Variants in TTLL7 observed in about 807,000 individuals in gnomAD.
TTLL7 encodes the protein tubulin polyglutamylase TTLL7.
Under a neutral mutation model 120.2 loss-of-function variants are expected in TTLL7, and 53 were observed. That is an observed-to-expected ratio of 0.44 (90% CI 0.35 to 0.55). TTLL7 has a LOEUF of 0.55. Ranked by LOEUF, TTLL7 falls within the 20% of genes least tolerant of loss-of-function variation. The pLI, the probability that TTLL7 is intolerant of heterozygous loss-of-function variation, is 0.00. For synonymous variants in TTLL7, 353 were observed against 351.7 expected, an observed-to-expected ratio of 1.00 and a Z score of -0.04; for missense variants, 803 against 1,054.7, an observed-to-expected ratio of 0.76 and a Z score of 3.31.
chr1:83,876,300 A>G (rs919595420), intron 20 of TTLL7, among the ~76,000 whole-genome samples: 6 of 151,766 alleles, frequency 4.0e-5, no homozygotes, highest in Non-Finnish European at 7.4e-5. Flanking sequence ...CCTTTTTGCC[A>G]ATATTATACT....
chr1:83,903,797 A>T (rs1656945535), intron 18 of TTLL7, among the ~76,000 whole-genome samples: 1 of 152,050 alleles, frequency 6.6e-6, no homozygotes, highest in African/African-American at 2.4e-5. Flanking sequence ...CCACAGACAT[A>T]GAAGGCTGAC....
chr1:83,983,480 AT>A (rs1652164181), intron 1 of TTLL7, among the ~76,000 whole-genome samples: 1 of 152,218 alleles, frequency 6.6e-6, no homozygotes, highest in African/African-American at 2.4e-5. Flanking sequence ...TGGATTAAAG[AT>A]TTAAATGTAA....
intron 20 of TTLL7, chr1:83,880,092 T>G (rs1232520226): frequency 6.6e-6 from 1 of 152,026 alleles, no homozygotes; most frequent in Non-Finnish European, 1.5e-5. Context: ...ACAAGAAGGC[T>G]CTTCATTTAT....
At chr1:83,968,816 A>G (rs985409915) in intron 1 of TTLL7, among the ~76,000 whole-genome samples, 15 of 152,200 alleles carry the variant, frequency 9.9e-5, no homozygotes, top group African/African-American at 3.4e-4. Context: ...GGATATCAAT[A>G]ATAAGCATTA....
rs1431513145 is a variant in TTLL7, at chr1:83,999,114, G to T, written c.-360C>A. ...GCCACGGCTCGGGACTCCGGTGCTC[G>T]ACGCGGAGTGCCTGGAACAGCTGTC... On this transcript the variant is annotated 5_prime_UTR_variant, in exon 1 of 21. Transcript: ENST00000260505. The T allele has an allele frequency of 2.3e-6, 1 of 438,130 alleles. No individual in the cohort carries two copies. The highest frequency in any genetic ancestry group is 4.5e-6 in the Non-Finnish European group (1 of 220,952). The allele number at this position is 438,130 out of a possible 1,614,324, so 27.1% of individuals were successfully genotyped here. A position where few individuals can be genotyped will look rare whatever the true frequency, so the allele number is the denominator to read the frequency against.
Position 83,988,514 on chromosome 1 carries a change from C to T in TTLL7, c.-177+10417G>A, listed in dbSNP as rs567933094. Among the ~76,000 whole-genome samples, 4 of 152,280 alleles carry T rather than the reference C, an allele frequency of 2.6e-5. No individual in the cohort carries two copies. The East Asian group carries it at 7.7e-4, about 29-fold the overall frequency. On this transcript the variant is annotated intron_variant, in intron 1 of 20. Coordinates refer to ENST00000260505, the MANE Select transcript of TTLL7 (RefSeq NM_024686.6). ...TACATTCTCACCAGTAGTGTATAAGCGTTCTCTTTTCTCTGCAGCCTTGCT... is the reference window on the plus strand; with the variant it reads ...TACATTCTCACCAGTAGTGTATAAGTGTTCTCTTTTCTCTGCAGCCTTGCT...
intron 1 of TTLL7, among the ~76,000 whole-genome samples, chr1:83,991,562 T>C (rs983810238): frequency 3.3e-5 from 5 of 152,142 alleles, no homozygotes; most frequent in African/African-American, 1.2e-4. Context: ...GAGGATCGCT[T>C]GAGCCCAGGA....
chr1:83,913,611 T>C (rs1040355496), intron 14 of TTLL7, among the ~76,000 whole-genome samples: 2 of 152,180 alleles, frequency 1.3e-5, no homozygotes, highest in Admixed American at 6.5e-5. Flanking sequence ...GTAAACAACA[T>C]AAAATTAAAA....
intron 18 of TTLL7, among the ~76,000 whole-genome samples, chr1:83,894,375 G>C (rs1352742939): frequency 6.6e-6 from 1 of 152,048 alleles, no homozygotes; most frequent in Non-Finnish European, 1.5e-5. Flanking sequence ...ATTATAAAAT[G>C]ATTATTCAAC....
intron 18 of TTLL7, among the ~76,000 whole-genome samples, chr1:83,894,788 T>G (rs376853989): frequency 1.3e-5 from 2 of 152,078 alleles, no homozygotes; most frequent in Non-Finnish European, 2.9e-5. Context: ...CTGGGCAAAC[T>G]AGGCACATTC....
At chr1:83,905,011 T>C (rs1657060727) in intron 17 of TTLL7, among the ~76,000 whole-genome samples, 1 of 151,950 alleles carries the variant, frequency 6.6e-6, no homozygotes, top group African/African-American at 2.4e-5. Flanking sequence ...TAGTCAGAAA[T>C]ATTAGTTTTA....
chr1:83,969,991 T>C (rs538492986), intron 1 of TTLL7, among the ~76,000 whole-genome samples: 73 of 152,164 alleles, frequency 4.8e-4, no homozygotes, highest in African/African-American at 1.6e-3. Flanking sequence ...ATATTCACTG[T>C]CTACCTGCTT....
intron 15 of TTLL7, 90 bp from the exon 16 acceptor site, chr1:83,907,751 C>A: frequency 8.7e-7 from 1 of 1,145,044 alleles, no homozygotes. Context: ...AAGATTATAG[C>A]AGCTAGTAGT....
rs748137357 is a variant in TTLL7, at chr1:83,904,059, T to C, written c.2208+20A>G. ...ATACATAATCCAAGAGGGAAAAAACTTGTTTTGAGCATTACTCACTTTTCG... is the reference window on the plus strand; with the variant it reads ...ATACATAATCCAAGAGGGAAAAAACCTGTTTTGAGCATTACTCACTTTTCG... On this transcript the variant is annotated intron_variant, in intron 18 of 20. Coordinates refer to ENST00000260505, the MANE Select transcript of TTLL7 (RefSeq NM_024686.6). 4 of 1,597,814 alleles carry C rather than the reference T, an allele frequency of 2.5e-6. No homozygotes were observed. Among genetic ancestry groups the C allele is most frequent in the Middle Eastern group, 1.7e-4 (1 of 6,024 alleles).
chr1:83,925,629 A>G (rs1659044058), intron 10 of TTLL7, among the ~76,000 whole-genome samples: 1 of 152,236 alleles, frequency 6.6e-6, no homozygotes, highest in Non-Finnish European at 1.5e-5. Context: ...AAAGTCAAGT[A>G]TAACTCCCAG....
chr1:83,941,340 T>C (rs1647946686), intron 7 of TTLL7, among the ~76,000 whole-genome samples: 1 of 152,226 alleles, frequency 6.6e-6, no homozygotes. Context: ...GGTCATTGTT[T>C]TTCCAAAACT....
intron 20 of TTLL7, among the ~76,000 whole-genome samples, 186 bp from the exon 21 acceptor site, chr1:83,870,268 A>G (rs1168644181): frequency 6.6e-6 from 1 of 152,242 alleles, no homozygotes; most frequent in Non-Finnish European, 1.5e-5. Context: ...TATAGATGCA[A>G]TATATGATGT....
chr1:83,908,585 T>C (rs375407599), intron 15 of TTLL7, among the ~76,000 whole-genome samples: 62 of 152,130 alleles, frequency 4.1e-4, no homozygotes, highest in African/African-American at 1.3e-3. Flanking sequence ...TAAGAACACC[T>C]AATAAAGAAA....
At chr1:83,951,793 C>A in intron 3 of TTLL7, 52 bp downstream of exon 3, 1 of 1,554,582 alleles carries the variant, frequency 6.4e-7, no homozygotes. Flanking sequence ...AACACCAAAT[C>A]AGTTTTTCCA....
Sources: gnomAD v4.1 joint callset for allele counts (sites outside exome capture counted in the v4.1 genomes callset) on GRCh38, gnomAD v4.1.1 for gene constraint, MANE v1.5 for transcripts, NCBI Gene and HGNC (gene_info 2026-07-23, HGNC 2026-07-21) for gene names.